The following ULK4 variants were observed in gnomAD, a reference collection of about 807,000 sequenced individuals.
The protein encoded by ULK4 is inactive serine/threonine-protein kinase ULK4.
Under a neutral mutation model 160.6 loss-of-function variants are expected in ULK4, and 133 were observed. The ratio of observed to expected loss-of-function variants is 0.83; its 90% CI spans 0.72 to 0.96. ULK4 has a LOEUF of 0.96. Among genes scored for constraint, ULK4 ranks in the 40% least tolerant of loss-of-function variants. ULK4 has a pLI of 0.00. For missense variants in ULK4, 1,580 were observed against 1,499.5 expected (o/e 1.05, Z -0.89); for synonymous variants, 534 against 539.8 (o/e 0.99, Z 0.15).
Position 41,605,630 on chromosome 3 carries a change from T to C in ULK4, c.3120+10039A>G, listed in dbSNP as rs961820771. The stretch of plus-strand genomic sequence containing the variant: ...AACAAAACTGATCCAAAAGGGGAAA[T>C]AGTCAAAACCACACTTACAATACGA... On this transcript the variant is annotated intron_variant, in intron 31 of 36. Transcript: ENST00000301831. Among the ~76,000 whole-genome samples, 16 of 151,828 alleles carry C rather than the reference T, an allele frequency of 1.1e-4. No homozygotes were observed. The East Asian group carries it at 2.7e-3, about 26-fold the overall frequency.
chr3:41,725,335 T>C lies in ULK4; in HGVS notation c.2322-7474A>G, dbSNP rs868470414. 7.2e-5 allele frequency among the ~76,000 whole-genome samples: 11 copies of C among 152,314 alleles called. No individual in the cohort carries two copies. In the South Asian group the frequency reaches 1.2e-3, roughly 17 times the overall value. ...TTTTTATTTCTTTCCTATATTGATA[T>C]CTAAATTATCTATTATCGTTTATTA... is the stretch of plus-strand genomic sequence containing the variant. On this transcript the variant is annotated intron_variant, in intron 22 of 36. Transcript: ENST00000301831.
chr3:41,321,695 T>C (rs1043132945), intron 35 of ULK4, among the ~76,000 whole-genome samples: 1 of 115,816 alleles, frequency 8.6e-6, no homozygotes, highest in Non-Finnish European at 1.8e-5. Flanking sequence ...GGCTCAAGCA[T>C]GTGCACTAAG....
intron 20 of ULK4, among the ~76,000 whole-genome samples, chr3:41,796,171 G>A (rs949408591): frequency 3.3e-5 from 5 of 152,126 alleles, no homozygotes; most frequent in African/African-American, 1.2e-4. Context: ...GCCTCCAGCG[G>A]GGAGTGAATG....
intron 35 of ULK4, among the ~76,000 whole-genome samples, chr3:41,397,265 C>T (rs937166842): frequency 6.6e-6 from 1 of 152,120 alleles, no homozygotes; most frequent in Non-Finnish European, 1.5e-5. Flanking sequence ...GCTATATATG[C>T]ATTTTTAAAT....
chr3:41,506,799 T>A (rs1266925606), intron 32 of ULK4, among the ~76,000 whole-genome samples: 5 of 104,564 alleles, frequency 4.8e-5, no homozygotes, highest in African/African-American at 6.6e-5. Flanking sequence ...TATATATATA[T>A]ATATATATGA....
At chr3:41,464,456 G>C (rs1575259230) in intron 32 of ULK4, among the ~76,000 whole-genome samples, 1 of 152,068 alleles carries the variant, frequency 6.6e-6, no homozygotes, top group Non-Finnish European at 1.5e-5. Context: ...AAAGTAGAAT[G>C]AATTACCGTC....
intron 13 of ULK4, among the ~76,000 whole-genome samples, chr3:41,900,348 C>T (rs1367750373): frequency 6.6e-6 from 1 of 152,130 alleles, no homozygotes; most frequent in African/African-American, 2.4e-5. Context: ...CGAAATACAT[C>T]AGAGACTAGA....
intron 20 of ULK4, among the ~76,000 whole-genome samples, chr3:41,791,678 A>G (rs1017268657): frequency 2.6e-5 from 4 of 152,046 alleles, no homozygotes; most frequent in Admixed American, 2.0e-4. Flanking sequence ...GCCAATGACT[A>G]TATTAGATAC....
chr3:41,705,826 A>T (rs560676140), intron 25 of ULK4, among the ~76,000 whole-genome samples: 32 of 152,312 alleles, frequency 2.1e-4, no homozygotes, highest in African/African-American at 7.5e-4. Flanking sequence ...ATGTTAACAT[A>T]AGCATTTACG....
At chr3:41,941,212 A>G (rs1203764382) in intron 2 of ULK4, among the ~76,000 whole-genome samples, 1 of 150,250 alleles carries the variant, frequency 6.7e-6, no homozygotes, top group Non-Finnish European at 1.5e-5. Flanking sequence ...GACTTTTTTG[A>G]TTTTTTGTAG....
intron 21 of ULK4, among the ~76,000 whole-genome samples, chr3:41,777,294 C>T (rs1451739503): frequency 2.4e-5 from 2 of 81,720 alleles, no homozygotes; most frequent in Non-Finnish European, 4.2e-5. Context: ...TTTATTGTGT[C>T]TATTTGATTC....
chr3:41,595,501 G>A (rs1224279338), intron 31 of ULK4, among the ~76,000 whole-genome samples: 1 of 152,210 alleles, frequency 6.6e-6, no homozygotes, highest in Non-Finnish European at 1.5e-5. Context: ...CTTATGCAAA[G>A]TGTGTAGTTA....
In ULK4 at chr3:41,281,412, G is replaced by A. The variant is rs191945470; in HGVS notation, c.3679-31838C>T. Among the ~76,000 whole-genome samples the A allele has an allele frequency of 6.3e-3, 961 of 152,198 alleles. 6 individuals are homozygous for A. Among genetic ancestry groups the A allele is most frequent in the Non-Finnish European group, 8.9e-3 (603 of 68,000 alleles). On this transcript the variant is annotated intron_variant, in intron 35 of 36. Coordinates refer to ENST00000301831, the MANE Select transcript of ULK4 (RefSeq NM_017886.4). The stretch of plus-strand genomic sequence containing the variant: ...ATGTGAAAATCCTCAATAAAATATT[G>A]GGAAATGGAATCCAGCAGCACATCA...
At position 41,705,098 on chromosome 3, in the gene ULK4, T is replaced by C. The variant is rs1163625943; in HGVS notation, c.2740A>G (p.Ile914Val). Residue 914 changes from isoleucine to valine, a missense_variant, in exon 27 of 37, where the codon ATA (isoleucine) becomes GTA (valine). Ile to Val is a conservative substitution (Grantham distance 29). Coordinates refer to ENST00000301831, the MANE Select transcript of ULK4 (RefSeq NM_017886.4). ...IKITLSAFEA[I>V]IQYPILLKDY... ...TTCAATAAAATAGGATACTGTATTA[T>C]TGCTTCAAAAGCTGACAATGTGATC... is the stretch of plus-strand genomic sequence containing the variant. The C allele has an allele frequency of 1.5e-5, 24 of 1,614,006 alleles. No homozygotes were observed. Among genetic ancestry groups the C allele is most frequent in the Non-Finnish European group, 2.0e-5 (24 of 1,179,978 alleles).
intron 30 of ULK4, among the ~76,000 whole-genome samples, chr3:41,623,304 A>G (rs1054822199): frequency 2.0e-5 from 3 of 152,208 alleles, no homozygotes; most frequent in East Asian, 3.8e-4. Context: ...CTAACCAAAA[A>G]AGATCACAGT....
intron 34 of ULK4, among the ~76,000 whole-genome samples, chr3:41,454,841 C>T (rs1050971916): frequency 4.0e-5 from 6 of 151,686 alleles, no homozygotes; most frequent in Admixed American, 2.6e-4. Flanking sequence ...TACAGGTGAA[C>T]ACCACCACGC....
chr3:41,763,038 G>A (rs963887044), intron 21 of ULK4, among the ~76,000 whole-genome samples: 1 of 151,914 alleles, frequency 6.6e-6, no homozygotes, highest in East Asian at 1.9e-4. Flanking sequence ...GGGGGAAGCC[G>A]CCCCCATGAT....
At chr3:41,708,272 A>T (rs535522796) in intron 25 of ULK4, among the ~76,000 whole-genome samples, 1 of 152,284 alleles carries the variant, frequency 6.6e-6, no homozygotes, top group Admixed American at 6.5e-5. Flanking sequence ...AATAGTCAAG[A>T]TATAGAATCA....
chr3:41,451,574 G>A (rs902399155), intron 34 of ULK4, among the ~76,000 whole-genome samples: 3 of 152,046 alleles, frequency 2.0e-5, no homozygotes, highest in Admixed American at 6.6e-5. Flanking sequence ...ACACAGCTGG[G>A]CAGCAGCAGA....
Sources: allele counts gnomAD v4.1 joint callset (sites outside exome capture counted in the v4.1 genomes callset), GRCh38; gene constraint gnomAD v4.1.1; transcripts MANE v1.5; gene names NCBI Gene and HGNC (gene_info 2026-07-23, HGNC 2026-07-21).